UBE3D: variants seen among roughly 807,000 people sequenced by gnomAD.
UBE3D encodes E3 ubiquitin-protein ligase E3D.
In UBE3D, 48 loss-of-function variants were observed where a neutral mutation model predicts 49.6. The ratio of observed to expected loss-of-function variants is 0.97; its 90% CI spans 0.77 to 1.23. The LOEUF is 1.23. Ranked by LOEUF, UBE3D falls within the 50% of genes most tolerant of loss-of-function variation. The probability of loss-of-function intolerance (pLI) is 0.00; values close to 1 mark genes in which losing one functional copy is unlikely to be tolerated. For synonymous variants in UBE3D, 189 were observed against 174.2 expected (o/e 1.08, Z -0.67); for missense variants, 452 against 468.4 (o/e 0.96, Z 0.32).
At chr6:82,961,668 A>G (rs1776557573) in intron 8 of UBE3D, among the ~76,000 whole-genome samples, 1 of 152,234 alleles carries the variant, frequency 6.6e-6, no homozygotes, top group Non-Finnish European at 1.5e-5. Context: ...TTCTTCTGCA[A>G]GATAACTCTT....
At chr6:82,881,824 C>T in the UBE3D span, among the ~76,000 whole-genome samples, 3 of 152,204 alleles carry the variant, frequency 2.0e-5, no homozygotes. Flanking sequence ...TTCTCTAAGC[C>T]TCATCAGTTT....
At chr6:82,919,866 AAC>A (rs1773199607) in intron 9 of UBE3D, among the ~76,000 whole-genome samples, 3 of 152,128 alleles carry the variant, frequency 2.0e-5, no homozygotes, top group Admixed American at 1.3e-4. Context: ...GCTTGAGAAA[AAC>A]ACACAGACAT....
intron 8 of UBE3D, among the ~76,000 whole-genome samples, chr6:83,014,545 A>G (rs897413371): frequency 6.6e-6 from 1 of 152,184 alleles, no homozygotes; most frequent in African/African-American, 2.4e-5. Context: ...AACTCCATCA[A>G]TTACCTGACC....
chr6:82,911,223 A>AAAAAAC (rs1772496649), intron 9 of UBE3D, among the ~76,000 whole-genome samples: 11 of 149,356 alleles, frequency 7.4e-5, no homozygotes, highest in Non-Finnish European at 1.0e-4. Context: ...AAAAAAAAAA[A>AAAAAAC]CTCAGGGGGG....
At chr6:82,950,123 A>C (rs945678085) in intron 9 of UBE3D, among the ~76,000 whole-genome samples, 2 of 152,218 alleles carry the variant, frequency 1.3e-5, no homozygotes, top group Non-Finnish European at 2.9e-5. Context: ...ATCTGACAAG[A>C]GATTAATAAC....
At chr6:83,030,565 T>G (rs1781793958) in intron 5 of UBE3D, among the ~76,000 whole-genome samples, 2 of 152,188 alleles carry the variant, frequency 1.3e-5, no homozygotes, top group Non-Finnish European at 1.5e-5. Flanking sequence ...AGGTGTGTCT[T>G]TATTAGCAGC....
chr6:82,886,948 T>G, the UBE3D span, among the ~76,000 whole-genome samples: 2 of 152,176 alleles, frequency 1.3e-5, no homozygotes, highest in Non-Finnish European at 2.9e-5. Flanking sequence ...AAACAGAGTA[T>G]GTATAATCAA....
intron 8 of UBE3D, among the ~76,000 whole-genome samples, chr6:83,001,793 G>A (rs1049372294): frequency 8.5e-5 from 13 of 152,158 alleles, no homozygotes; most frequent in South Asian, 4.1e-4. Flanking sequence ...ATAAAAGGAA[G>A]ACCATTCTAA....
At chr6:83,064,858 G>A (rs780647706) in intron 1 of UBE3D, among the ~76,000 whole-genome samples, 8 of 152,144 alleles carry the variant, frequency 5.3e-5, no homozygotes, top group Non-Finnish European at 1.0e-4. Flanking sequence ...ATTTAGGGAA[G>A]AGGAAAAAAT....
chr6:82,958,979 G>A lies in UBE3D; in HGVS notation c.1011-1529C>T, dbSNP rs79041520. Among the ~76,000 whole-genome samples the A allele has an allele frequency of 5.3e-5, 8 of 152,204 alleles. No homozygotes were observed. The East Asian group carries it at 7.8e-4, about 15-fold the overall frequency. ...GTCACTGGAGATATATGGTGTGGGC[G>A]TCTGTAAAACAGATGGAAGATAAGG... On this transcript the variant is annotated intron_variant, in intron 8 of 9. Coordinates refer to ENST00000369747, the MANE Select transcript of UBE3D (RefSeq NM_198920.3).
At chr6:83,060,635 T>C (rs1268210927) in intron 1 of UBE3D, among the ~76,000 whole-genome samples, 3 of 151,940 alleles carry the variant, frequency 2.0e-5, no homozygotes, top group Admixed American at 6.6e-5. Context: ...AAAAACGAAA[T>C]GAACAAACCA....
rs75541949 is a variant in UBE3D at position 83,047,593 on chromosome 6, G to T, written c.366-2934C>A. 3.8e-3 allele frequency among the ~76,000 whole-genome samples: 572 copies of T among 152,340 alleles called. 3 individuals are homozygous for T. Among genetic ancestry groups the T allele is most frequent in the South Asian group, 0.021 (100 of 4,828 alleles). On this transcript the variant is annotated intron_variant, in intron 3 of 9. Transcript: ENST00000369747. ...AGAGCCCCTGCTGAGAGGAATTCTT[G>T]ATGCTGCCCTGCTGGCAAGCTGGCA...
At chr6:82,918,171 T>G (rs1020407150) in intron 9 of UBE3D, among the ~76,000 whole-genome samples, 19 of 152,112 alleles carry the variant, frequency 1.2e-4, no homozygotes, top group Non-Finnish European at 2.4e-4. Context: ...ATCTTTTCAG[T>G]TTTTGGGAAT....
In UBE3D at chr6:83,044,392, C is replaced by T. The variant is rs559600543; in HGVS notation, c.597+36G>A. ...TGAAGAAGTCAGTATCTAAGACAGC[C>T]TCTAAATTACCATTTATTTTGAAAT... On this transcript the variant is annotated intron_variant, in intron 4 of 9. Transcript: ENST00000369747. 631 of 1,597,136 alleles carry T rather than the reference C, an allele frequency of 4.0e-4. 5 individuals carry two copies. The South Asian group carries it at 5.0e-3, about 13-fold the overall frequency.
chr6:82,981,207 T>C (rs1778097597), intron 8 of UBE3D, among the ~76,000 whole-genome samples: 1 of 152,134 alleles, frequency 6.6e-6, no homozygotes, highest in African/African-American at 2.4e-5. Context: ...AAGTGTTTTC[T>C]ATCACACCTT....
chr6:82,978,763 G>A (rs998340059), intron 8 of UBE3D, among the ~76,000 whole-genome samples: 1 of 152,028 alleles, frequency 6.6e-6, no homozygotes, highest in Non-Finnish European at 1.5e-5. Context: ...TACACACAAC[G>A]CACCCATCCG....
Position 83,065,768 on chromosome 6 carries a change from CG to C in UBE3D, c.-51del. On this transcript the variant is annotated 5_prime_UTR_variant, in exon 1 of 10. Transcript: ENST00000369747. ...ACCAAGCTGGAGGTTCCGAGGGGCCCGGGTCAACAGGACCAGGAGAGGTTCC... is the reference window on the plus strand; with the variant it reads ...ACCAAGCTGGAGGTTCCGAGGGGCCCGGTCAACAGGACCAGGAGAGGTTCC... 6.4e-7 allele frequency: 1 copy of C among 1,553,290 alleles called. No individual in the cohort carries two copies. The highest frequency in any genetic ancestry group is 1.7e-4 in the Middle Eastern group (1 of 5,836).
At chr6:83,010,405 C>T (rs994470643) in intron 8 of UBE3D, among the ~76,000 whole-genome samples, 6 of 152,058 alleles carry the variant, frequency 3.9e-5, no homozygotes, top group East Asian at 3.9e-4. Flanking sequence ...TCCAGCTGTA[C>T]GCAGTTCATA....
At chr6:82,969,274 G>A (rs1777172268) in intron 8 of UBE3D, among the ~76,000 whole-genome samples, 1 of 151,854 alleles carries the variant, frequency 6.6e-6, no homozygotes, top group South Asian at 2.1e-4. Context: ...AAATAGTAAG[G>A]AAAAACCTTC....
Sources: allele counts gnomAD v4.1 joint callset (sites outside exome capture counted in the v4.1 genomes callset), GRCh38; gene constraint gnomAD v4.1.1; transcripts MANE v1.5; gene names NCBI Gene and HGNC (gene_info 2026-07-23, HGNC 2026-07-21).